The following PIP5K1C variants were observed in gnomAD, a reference collection of about 807,000 sequenced individuals.
PIP5K1C encodes the protein phosphatidylinositol-4-phosphate 5-kinase type 1 gamma.
In PIP5K1C, 45 loss-of-function variants were observed where a neutral mutation model predicts 80.1. That is an observed-to-expected ratio of 0.56 (90% CI 0.44 to 0.72). PIP5K1C has a LOEUF of 0.72. Ranked by LOEUF, PIP5K1C falls within the 30% of genes least tolerant of loss-of-function variation. The pLI is 0.00. For synonymous variants in PIP5K1C, 498 were observed against 420.1 expected, an observed-to-expected ratio of 1.19 and a Z score of -2.27; for missense variants, 753 against 954.6, an observed-to-expected ratio of 0.79 and a Z score of 2.78.
rs1395387174 is a variant in PIP5K1C at position 3,660,866 on chromosome 19, C to T, written c.468+100G>A. On this transcript the variant is annotated intron_variant, in intron 5 of 17. Transcript: ENST00000335312. ...CCTGACCATAACCCTACACGAGGAA[C>T]CCAGGGAGGCTGCCCCCAAATGCCT... 7 of 895,644 alleles carry T rather than the reference C, an allele frequency of 7.8e-6. No homozygotes were observed. In the South Asian group the frequency reaches 7.8e-5, roughly 10 times the overall value. 55.5% of individuals were successfully genotyped at this position (895,644 alleles called of 1,614,324 possible).
Position 3,656,480 on chromosome 19 carries a change from G to A in PIP5K1C, c.546C>T (p.Asp182=), listed in dbSNP as rs546941941. The A allele has an allele frequency of 9.5e-5, 153 of 1,613,714 alleles. 3 individuals are homozygous for A. The South Asian group carries it at 1.4e-3, about 15-fold the overall frequency. Residue 182 remains aspartate (D), a synonymous_variant, in exon 6 of 18, where the codon GAC becomes GAT. Transcript: ENST00000335312. ...TGACGGTCTTGATGATGAACTCGTCGTCGCTGGTGACGTAGAAGAGGGAGC... is the reference window on the plus strand; with the variant it reads ...TGACGGTCTTGATGATGAACTCGTCATCGCTGGTGACGTAGAAGAGGGAGC... The part of the protein sequence containing the change: ...ASGSLFYVTS[D]DEFIIKTVMH...
intron 16 of PIP5K1C, 89 bp downstream of exon 16, chr19:3,638,793 AGG>A: frequency 6.5e-7 from 1 of 1,528,234 alleles, no homozygotes; most frequent in Non-Finnish European, 9.0e-7. Context: ...GCCTGTGTGC[AGG>A]TGTGTGTATG....
chr19:3,680,027 C>T (rs2035536849), intron 1 of PIP5K1C, among the ~76,000 whole-genome samples: 1 of 152,250 alleles, frequency 6.6e-6, no homozygotes, highest in Non-Finnish European at 1.5e-5. Flanking sequence ...CTGGCTACAG[C>T]CCCCTCGGGG....
intron 13 of PIP5K1C, 63 bp downstream of exon 13, chr19:3,643,180 G>A: frequency 1.2e-6 from 2 of 1,605,144 alleles, no homozygotes; most frequent in Non-Finnish European, 1.7e-6. Flanking sequence ...CACATGCAGT[G>A]AATGCCCCGC....
chr19:3,635,897 G>A (rs779314845), intron 16 of PIP5K1C, among the ~76,000 whole-genome samples: 9 of 151,704 alleles, frequency 5.9e-5, no homozygotes, highest in Admixed American at 1.3e-4. Context: ...GGAGAATGGC[G>A]TGAACCCGGG....
chr19:3,656,645 A>G (rs1387869341), intron 5 of PIP5K1C, 88 bp from the exon 6 acceptor site: 100 of 1,458,628 alleles, frequency 6.9e-5, no homozygotes, highest in Non-Finnish European at 9.3e-5. Flanking sequence ...AGCCCCAGGA[A>G]CTGATGACGG....
At chr19:3,679,842 T>A (rs1600069587) in intron 1 of PIP5K1C, among the ~76,000 whole-genome samples, 1 of 152,328 alleles carries the variant, frequency 6.6e-6, no homozygotes, top group Non-Finnish European at 1.5e-5. Context: ...TGGGCACGCA[T>A]GGTGGACGGA....
rs146725634 is a variant in PIP5K1C, at chr19:3,639,001, C to T, written c.1803G>A (p.Pro601=). 46 of 1,611,316 alleles carry T rather than the reference C, an allele frequency of 2.9e-5. No homozygotes were observed. In the African/African-American group the frequency reaches 4.0e-4, roughly 14 times the overall value. ...CTTCAACAGCAGCAGAGGCACCGGC[C>T]GGGGAAGCCTCCACCCTGGGGACAG... ...KEEDAGVEAS[P]AGASAAVEVE... Residue 601 remains proline, a synonymous_variant, in exon 16 of 18, where the codon CCG becomes CCA. Transcript: ENST00000335312.
At chr19:3,677,287 A>G (rs968478092) in intron 1 of PIP5K1C, among the ~76,000 whole-genome samples, 2 of 151,946 alleles carry the variant, frequency 1.3e-5, no homozygotes, top group African/African-American at 4.8e-5. Context: ...AAAGAAAAAG[A>G]GAAAGTTTTA....
At chr19:3,650,464 G>A (rs919798228) in intron 8 of PIP5K1C, among the ~76,000 whole-genome samples, 2 of 152,248 alleles carry the variant, frequency 1.3e-5, no homozygotes, top group African/African-American at 2.4e-5. Context: ...GGCCATGTCT[G>A]GGGACATCTG....
intron 1 of PIP5K1C, among the ~76,000 whole-genome samples, chr19:3,682,505 C>T (rs959857352): frequency 2.6e-5 from 4 of 151,822 alleles, no homozygotes; most frequent in Admixed American, 2.0e-4. Flanking sequence ...CATAGCAAGA[C>T]ATAGCAAGAC....
intron 1 of PIP5K1C, among the ~76,000 whole-genome samples, chr19:3,676,517 C>G (rs12462712): frequency 6.6e-6 from 1 of 152,172 alleles, no homozygotes; most frequent in African/African-American, 2.4e-5. Context: ...CTCGGCCCCC[C>G]GCCTGGCACA....
At chr19:3,669,310 G>C (rs890212540) in intron 1 of PIP5K1C, among the ~76,000 whole-genome samples, 1 of 152,224 alleles carries the variant, frequency 6.6e-6, no homozygotes, top group Non-Finnish European at 1.5e-5. Context: ...CTGGGCAGCA[G>C]TGCGTTGGAA....
At chr19:3,633,595 A>G (rs2033544508) in intron 16 of PIP5K1C, 75 bp from the exon 17 acceptor site, 2 of 1,012,946 alleles carry the variant, frequency 2.0e-6, no homozygotes, top group South Asian at 2.8e-5. Flanking sequence ...CAGAGGGAGG[A>G]AGGAAGAGAC....
At chr19:3,666,909 G>A (rs1308695592) in intron 2 of PIP5K1C, among the ~76,000 whole-genome samples, 1 of 152,238 alleles carries the variant, frequency 6.6e-6, no homozygotes, top group Non-Finnish European at 1.5e-5. Context: ...TGGTAGCCTC[G>A]GGCATCGCCC....
At position 3,688,959 on chromosome 19, in the gene PIP5K1C, G is replaced by GA. The variant is rs550963359; in HGVS notation, c.94+11337_94+11338insT. Among the ~76,000 whole-genome samples, 2 of 116,266 alleles carry GA rather than the reference G, an allele frequency of 1.7e-5. No individual in the cohort carries two copies. The highest frequency in any genetic ancestry group is 2.6e-4 in the Admixed American group (2 of 7,610). The allele number at this position is 116,266 out of a possible 152,430, so 76.3% of individuals were successfully genotyped here. On this transcript the variant is annotated intron_variant, in intron 1 of 17. Coordinates refer to ENST00000335312, the MANE Select transcript of PIP5K1C (RefSeq NM_012398.3). The surrounding 1 kb of genome is among the most constrained non-coding windows in gnomAD (Gnocchi z 5.3). ...AGTGCCCGGGATGGGGCTGGGGGGT[G>GA]GGGGGGGCTTGGCGCACGCGGCCTA...
Position 3,637,206 on chromosome 19 carries a change from A to G in PIP5K1C, c.1920+1678T>C. 7.0e-7 allele frequency: 1 copy of G among 1,432,106 alleles called. No individual in the cohort carries two copies. The highest frequency in any genetic ancestry group is 9.1e-7 in the Non-Finnish European group (1 of 1,098,070). 88.7% of individuals were successfully genotyped at this position (1,432,106 alleles called of 1,614,324 possible). Reference sequence around the variant, plus strand: ...TCCACCCAAGACACCCTGACACGAGAGGGCTGGGTCCAGGGGCAGAGAGGG... The same window carrying G: ...TCCACCCAAGACACCCTGACACGAGGGGGCTGGGTCCAGGGGCAGAGAGGG... On this transcript the variant is annotated intron_variant, in intron 16 of 17. Coordinates refer to ENST00000335312, the MANE Select transcript of PIP5K1C (RefSeq NM_012398.3). The surrounding 1 kb of genome is among the most constrained non-coding windows in gnomAD (Gnocchi z 7.0).
chr19:3,663,622 T>C (rs1040361791), intron 3 of PIP5K1C, among the ~76,000 whole-genome samples: 2 of 152,182 alleles, frequency 1.3e-5, no homozygotes, highest in African/African-American at 4.8e-5. Context: ...AAGACCAGCC[T>C]GGGCAACATG....
chr19:3,693,186 C>G (rs556942212), intron 1 of PIP5K1C, among the ~76,000 whole-genome samples: 2 of 152,284 alleles, frequency 1.3e-5, no homozygotes, highest in Non-Finnish European at 2.9e-5. Context: ...CACACGTAGA[C>G]GATGCCCGAA....
Sources: allele counts gnomAD v4.1 joint callset (sites outside exome capture counted in the v4.1 genomes callset), GRCh38; gene constraint gnomAD v4.1.1; non-coding constraint Gnocchi (gnomAD v3.1); transcripts MANE v1.5; gene names NCBI Gene and HGNC (gene_info 2026-07-23, HGNC 2026-07-21).